The following PAQR6 variants were observed in gnomAD, a reference collection of about 807,000 sequenced individuals.
PAQR6 encodes progestin and adipoQ receptor family member 6.
PAQR6 carries 34 observed loss-of-function variants against 36.2 expected under a neutral mutation model. The observed-to-expected ratio is 0.94, with a 90% CI of 0.71 to 1.25. The LOEUF is 1.25. Among genes scored for constraint, PAQR6 ranks in the 50% most tolerant of loss-of-function variants. The pLI, the probability that PAQR6 is intolerant of heterozygous loss-of-function variation, is 0.00. For missense variants in PAQR6, 431 were observed against 445.7 expected (o/e 0.97, Z 0.30); for synonymous variants, 190 against 190.7 (o/e 1.00, Z 0.03).
chr1:156,246,946 CCT>C (rs1194686171), intron 1 of PAQR6, among the ~76,000 whole-genome samples, 190 bp from the exon 2 acceptor site: 1 of 152,180 alleles, frequency 6.6e-6, no homozygotes, highest in East Asian at 1.9e-4. Context: ...AACTCCAACC[CCT>C]GTTCTCCTTG....
Position 156,247,953 on chromosome 1 carries a change from T to C in PAQR6, c.-26+4A>G. 1.1e-5 allele frequency: 5 copies of C among 459,230 alleles called. No individual in the cohort carries two copies. Among genetic ancestry groups the C allele is most frequent in the Non-Finnish European group, 2.3e-5 (5 of 221,062 alleles). The allele number at this position is 459,230 out of a possible 1,614,324, so 28.4% of individuals were successfully genotyped here. A position where few individuals can be genotyped will look rare whatever the true frequency, so the allele number is the denominator to read the frequency against. ...GAAGAGCCCCAGAAGGTGAGCTTCC[T>C]TACCCAGAGCTTGGTGGGTGCTCCT... On this transcript the variant is annotated splice_donor_region_variant and intron_variant, in intron 1 of 7. Coordinates refer to ENST00000292291, the MANE Select transcript of PAQR6 (RefSeq NM_198406.3).
chr1:156,245,121 A>AG, intron 6 of PAQR6, 21 bp downstream of exon 6: 3 of 1,609,040 alleles, frequency 1.9e-6, no homozygotes, highest in Non-Finnish European at 2.6e-6. Context: ...GAGTCTGGGC[A>AG]GGGGCCCTAG....
chr1:156,244,715 G>C, intron 7 of PAQR6, 46 bp downstream of exon 7: 1 of 1,613,446 alleles, frequency 6.2e-7, no homozygotes, highest in Non-Finnish European at 8.5e-7. Context: ...CTCTGGGAAG[G>C]CATCTGCCCC....
chr1:156,247,982 C>G lies in PAQR6; in HGVS notation c.-51G>C, dbSNP rs1025379352. 4.3e-6 allele frequency: 2 copies of G among 464,204 alleles called. No homozygotes were observed. Among genetic ancestry groups the G allele is most frequent in the African/African-American group, 4.0e-5 (2 of 49,696 alleles). The allele number at this position is 464,204 out of a possible 1,614,324, so 28.8% of individuals were successfully genotyped here. The stretch of plus-strand genomic sequence containing the variant: ...CCAGAGCTTGGTGGGTGCTCCTAAG[C>G]TGGTGGGTCAACAGGCCCAGGGCTC... On this transcript the variant is annotated 5_prime_UTR_variant, in exon 1 of 8. Coordinates refer to ENST00000292291, the MANE Select transcript of PAQR6 (RefSeq NM_198406.3).
Position 156,244,097 on chromosome 1 carries a change from GC to G in PAQR6, c.*31del. 1 of 1,610,174 alleles carries G rather than the reference GC, an allele frequency of 6.2e-7. No homozygotes were observed. On this transcript the variant is annotated 3_prime_UTR_variant, in exon 8 of 8. Transcript: ENST00000292291. Reference sequence around the variant, plus strand: ...TCGTCAGCACTGGGGCCTGGCCTCTGCCCCCTCCAGGACAGGGTCAGGGATG... The same window carrying G: ...TCGTCAGCACTGGGGCCTGGCCTCTGCCCCTCCAGGACAGGGTCAGGGATG...
chr1:156,244,614 G>A (rs1275616523), intron 7 of PAQR6, 147 bp downstream of exon 7: 1 of 1,490,380 alleles, frequency 6.7e-7, no homozygotes, highest in African/African-American at 1.4e-5. Context: ...CCCTTCCAGT[G>A]ATGCTCTCGT....
At chr1:156,245,102 G>T in intron 6 of PAQR6, 40 bp downstream of exon 6, 7 of 1,606,200 alleles carry the variant, frequency 4.4e-6, no homozygotes, top group Non-Finnish European at 6.0e-6. Context: ...GGTCAGGACA[G>T]GAAAGCAGGA....
At chr1:156,245,106 A>G (rs1274690358) in intron 6 of PAQR6, 36 bp downstream of exon 6, 2 of 1,606,538 alleles carry the variant, frequency 1.2e-6, no homozygotes, top group Non-Finnish European at 1.7e-6. Context: ...AGGACAGGAA[A>G]GCAGGAGTCT....
rs1335859025 is a variant in PAQR6, at chr1:156,246,251, C to T, written c.52-1G>A. ...ACATGATGCCATCTTCCCAGAACACCTAGGGTAGTGGTGGGAGAGGAAGGG... is the reference window on the plus strand; with the variant it reads ...ACATGATGCCATCTTCCCAGAACACTTAGGGTAGTGGTGGGAGAGGAAGGG... On this transcript the variant is annotated splice_acceptor_variant, in intron 2 of 7. Transcript: ENST00000292291. LOFTEE classifies it high-confidence loss of function. The T allele has an allele frequency of 6.2e-7, 1 of 1,610,084 alleles. No individual in the cohort carries two copies. Among genetic ancestry groups the T allele is most frequent in the Non-Finnish European group, 8.5e-7 (1 of 1,177,266 alleles).
chr1:156,246,531 G>C (rs1037344492), intron 2 of PAQR6, 150 bp downstream of exon 2: 1 of 994,432 alleles, frequency 1.0e-6, no homozygotes, highest in African/African-American at 1.6e-5. Context: ...TTGTTCCTCA[G>C]AGAACAGAGG....
Position 156,244,230 on chromosome 1 carries a change from T to C in PAQR6, c.934A>G (p.Ile312Val), listed in dbSNP as rs775270040. ...LVLAAAGNLL[I>V]IAAFTATLLR... Reference sequence around the variant, plus strand: ...AGGGTGGCTGTGAAAGCAGCAATAATGAGTAGGTTCCCAGCTGCAGCCAAG... The same window carrying C: ...AGGGTGGCTGTGAAAGCAGCAATAACGAGTAGGTTCCCAGCTGCAGCCAAG... The change falls in exon 8 of 8, where the codon ATT becomes GTT. Residue 312 changes from isoleucine to valine, a missense_variant. By Grantham distance (29) the Ile-to-Val change is conservative. Transcript: ENST00000292291. 1 of 1,613,828 alleles carries C rather than the reference T, an allele frequency of 6.2e-7. No homozygotes were observed.
chr1:156,243,734 G>T lies in PAQR6; in HGVS notation c.*395C>A, dbSNP rs570705427. ...GGTTAGCAAGAAGCATTCAGGGTAGGCCTAGGTTAGTCGTGTTAGTTCTTC... is the reference window on the plus strand; with the variant it reads ...GGTTAGCAAGAAGCATTCAGGGTAGTCCTAGGTTAGTCGTGTTAGTTCTTC... On this transcript the variant is annotated 3_prime_UTR_variant, in exon 8 of 8. Coordinates refer to ENST00000292291, the MANE Select transcript of PAQR6 (RefSeq NM_198406.3). 1.2e-4 allele frequency: 146 copies of T among 1,191,506 alleles called. No individual in the cohort carries two copies. In the East Asian group the frequency reaches 3.3e-3, roughly 27 times the overall value. The allele number at this position is 1,191,506 out of a possible 1,614,324, so 73.8% of individuals were successfully genotyped here.
In PAQR6 at chr1:156,246,718, T is replaced by C. The variant is rs1406030841; in HGVS notation, c.14A>G (p.Lys5Arg). 6.2e-7 allele frequency: 1 copy of C among 1,613,838 alleles called. No homozygotes were observed. The highest frequency in any genetic ancestry group is 8.5e-7 in the Non-Finnish European group (1 of 1,179,910). Residue 5 changes from lysine (K) to arginine (R), a missense_variant, in exon 2 of 8, where the codon AAG (lysine) becomes AGG (arginine). Transcript: ENST00000292291. MLSL[K>R]LPQLLQVHQV... ...GTGGACTTGAAGAAGTTGGGGCAGC[T>C]TGAGACTGAGCATGGTGGCCTGGTA...
In PAQR6 at chr1:156,244,533, T is replaced by A. The variant is rs1659898421; in HGVS notation, c.761-130A>T. The A allele has an allele frequency of 5.9e-6, 8 of 1,355,186 alleles. No homozygotes were observed. The East Asian group carries it at 7.6e-5, about 13-fold the overall frequency. 83.9% of individuals were successfully genotyped at this position (1,355,186 alleles called of 1,614,324 possible). A position where few individuals can be genotyped will look rare whatever the true frequency, so the allele number is the denominator to read the frequency against. Reference sequence around the variant, plus strand: ...TCCCAGAGTGACTGAAAGGAATGAATGAGCATGTGTGCATGTGGCCCCAGC... The same window carrying A: ...TCCCAGAGTGACTGAAAGGAATGAAAGAGCATGTGTGCATGTGGCCCCAGC... On this transcript the variant is annotated intron_variant, in intron 7 of 7. Coordinates refer to ENST00000292291, the MANE Select transcript of PAQR6 (RefSeq NM_198406.3).
In PAQR6 at chr1:156,243,679, TG is replaced by T. The variant is rs775512023; in HGVS notation, c.*449del. On this transcript the variant is annotated 3_prime_UTR_variant, in exon 8 of 8. Coordinates refer to ENST00000292291, the MANE Select transcript of PAQR6 (RefSeq NM_198406.3). Reference sequence around the variant, plus strand: ...ACTGGCATTACCTGGTTTGTGGGGATGGGGGGGCAAGTGTGTGGCCTCTCGG... The same window carrying T: ...ACTGGCATTACCTGGTTTGTGGGGATGGGGGGCAAGTGTGTGGCCTCTCGG... 28 of 752,094 alleles carry T rather than the reference TG, an allele frequency of 3.7e-5. No homozygotes were observed. The highest frequency in any genetic ancestry group is 1.8e-4 in the South Asian group (8 of 45,416). The allele number at this position is 752,094 out of a possible 1,614,324, so 46.6% of individuals were successfully genotyped here.
chr1:156,246,545 A>T, intron 2 of PAQR6, 136 bp downstream of exon 2: 3 of 1,037,260 alleles, frequency 2.9e-6, no homozygotes, highest in Non-Finnish European at 4.2e-6. Context: ...ACAGAGGAAG[A>T]GTCTCACACT....
In PAQR6 at chr1:156,243,462, A is replaced by G. The variant is rs540389894; in HGVS notation, c.*667T>C. 2.1e-5 allele frequency: 10 copies of G among 479,516 alleles called. No individual in the cohort carries two copies. In the East Asian group the frequency reaches 3.6e-4, roughly 17 times the overall value. 29.7% of individuals were successfully genotyped at this position (479,516 alleles called of 1,614,324 possible). A position where few individuals can be genotyped will look rare whatever the true frequency, so the allele number is the denominator to read the frequency against. On this transcript the variant is annotated 3_prime_UTR_variant, in exon 8 of 8. Coordinates refer to ENST00000292291, the MANE Select transcript of PAQR6 (RefSeq NM_198406.3). Reference sequence around the variant, plus strand: ...TTATTTGTACCTGCCTTGTTCCAGAAAACGTTGAAGGTGGCTTCCCAAAGT... The same window carrying G: ...TTATTTGTACCTGCCTTGTTCCAGAGAACGTTGAAGGTGGCTTCCCAAAGT...
At chr1:156,247,216 C>G (rs1488068205) in intron 1 of PAQR6, among the ~76,000 whole-genome samples, 1 of 152,232 alleles carries the variant, frequency 6.6e-6, no homozygotes, top group Non-Finnish European at 1.5e-5. Context: ...TCTGGAGAAG[C>G]CAGATGCCAT....
intron 1 of PAQR6, among the ~76,000 whole-genome samples, chr1:156,247,242 G>A (rs1558221270): frequency 6.6e-6 from 1 of 152,250 alleles, no homozygotes; most frequent in Non-Finnish European, 1.5e-5. Context: ...GGGACAAGGA[G>A]GTAGGGGGAT....
Sources: allele counts gnomAD v4.1 joint callset (sites outside exome capture counted in the v4.1 genomes callset), GRCh38; gene constraint gnomAD v4.1.1; transcripts MANE v1.5; gene names NCBI Gene and HGNC (gene_info 2026-07-23, HGNC 2026-07-21).